POLN: variants seen among roughly 807,000 people sequenced by gnomAD.
POLN encodes the protein DNA polymerase N.
A neutral mutation model predicts 113.5 loss-of-function variants in POLN; 108 were observed. The observed-to-expected ratio is 0.95, with a 90% CI of 0.81 to 1.12. POLN has a LOEUF of 1.12. Among genes scored for constraint, POLN ranks in the 50% most tolerant of loss-of-function variants. The pLI, the probability that POLN is intolerant of heterozygous loss-of-function variation, is 0.00. For missense variants in POLN, 1,097 were observed against 1,077.1 expected, an observed-to-expected ratio of 1.02 and a Z score of -0.26; for synonymous variants, 386 against 391.5, an observed-to-expected ratio of 0.99 and a Z score of 0.17.
At chr4:2,104,676 C>A (rs565810414) in intron 19 of POLN, among the ~76,000 whole-genome samples, 2 of 152,324 alleles carry the variant, frequency 1.3e-5, no homozygotes, top group African/African-American at 4.8e-5. Flanking sequence ...TGTCTCTGCA[C>A]CCAGCAGAGA....
At chr4:2,171,270 G>A (rs962861881) in intron 11 of POLN, 89 bp from the exon 12 acceptor site, 6 of 1,240,352 alleles carry the variant, frequency 4.8e-6, no homozygotes, top group South Asian at 1.3e-5. Context: ...TCTCAACAGC[G>A]AGATGGGCAC....
intron 16 of POLN, among the ~76,000 whole-genome samples, chr4:2,136,262 A>C (rs1486136059): frequency 6.6e-6 from 1 of 152,220 alleles, no homozygotes; most frequent in Non-Finnish European, 1.5e-5. Context: ...ATTTTCTTAC[A>C]ATTTTAATCT....
At chr4:2,128,672 G>GGA (rs1731646531) in intron 18 of POLN, among the ~76,000 whole-genome samples, 1 of 42,512 alleles carries the variant, frequency 2.4e-5, no homozygotes, top group Non-Finnish European at 8.2e-5. Flanking sequence ...AAAGCACGGG[G>GGA]GCAGGGCCAA....
At chr4:2,077,135 A>G (rs1022858156) in intron 23 of POLN, 3 of 152,262 alleles carry the variant, frequency 2.0e-5, no homozygotes, top group Non-Finnish European at 4.4e-5. Flanking sequence ...TCTTCTGACC[A>G]CTATGACTTT....
intron 16 of POLN, among the ~76,000 whole-genome samples, chr4:2,152,022 TTTTC>T (rs1046568042): frequency 4.7e-4 from 71 of 151,874 alleles, no homozygotes; most frequent in African/African-American, 2.7e-4. Flanking sequence ...TAATTTTCTT[TTTTC>T]TTTCTTTCTT....
intron 16 of POLN, among the ~76,000 whole-genome samples, chr4:2,147,458 G>A (rs557157021): frequency 6.6e-6 from 1 of 151,996 alleles, no homozygotes; most frequent in African/African-American, 2.4e-5. Context: ...GGAAAGAGGA[G>A]GATTTAGAAA....
At chr4:2,198,269 T>C (rs1733628425) in intron 6 of POLN, among the ~76,000 whole-genome samples, 1 of 152,192 alleles carries the variant, frequency 6.6e-6, no homozygotes, top group African/African-American at 2.4e-5. Context: ...TCTCCCTAGC[T>C]TCTCACTGTG....
At chr4:2,111,987 A>C (rs1188134778) in intron 19 of POLN, among the ~76,000 whole-genome samples, 1 of 152,228 alleles carries the variant, frequency 6.6e-6, no homozygotes, top group Non-Finnish European at 1.5e-5. Flanking sequence ...TTCAAACTAT[A>C]TTACAAGGCT....
chr4:2,235,476 A>C (rs1485269969), intron 2 of POLN, among the ~76,000 whole-genome samples: 2 of 152,240 alleles, frequency 1.3e-5, no homozygotes, highest in Non-Finnish European at 2.9e-5. Context: ...ACTGTAAATA[A>C]CCTAAATGTC....
intron 3 of POLN, among the ~76,000 whole-genome samples, chr4:2,225,422 G>A (rs1360054370): frequency 6.6e-6 from 1 of 151,974 alleles, no homozygotes; most frequent in Non-Finnish European, 1.5e-5. Context: ...AGGCATGGTG[G>A]TGGGCGCCTG....
chr4:2,111,712 T>C (rs1731198490), intron 19 of POLN, among the ~76,000 whole-genome samples: 1 of 152,266 alleles, frequency 6.6e-6, no homozygotes, highest in Non-Finnish European at 1.5e-5. Flanking sequence ...CAAGGAGAAC[T>C]ACAAACCACT....
chr4:2,159,302 T>C (rs1290898878), intron 13 of POLN, 91 bp from the exon 14 acceptor site: 6 of 1,067,592 alleles, frequency 5.6e-6, no homozygotes, highest in Admixed American at 2.2e-5. Flanking sequence ...TCATAATAAA[T>C]GGTCTAATTG....
At chr4:2,133,584 T>G (rs577202360) in intron 16 of POLN, among the ~76,000 whole-genome samples, 3 of 152,360 alleles carry the variant, frequency 2.0e-5, no homozygotes, top group African/African-American at 7.2e-5. Flanking sequence ...AAATACTGCA[T>G]GTTTAATTCC....
At chr4:2,133,308 C>A (rs755555937) in intron 16 of POLN, among the ~76,000 whole-genome samples, 1 of 152,164 alleles carries the variant, frequency 6.6e-6, no homozygotes, top group Non-Finnish European at 1.5e-5. Flanking sequence ...AGCAATTCCA[C>A]TGCAGGGGAT....
At chr4:2,176,816 G>A (rs1184801589) in intron 8 of POLN, among the ~76,000 whole-genome samples, 1 of 152,098 alleles carries the variant, frequency 6.6e-6, no homozygotes, top group Admixed American at 6.6e-5. Context: ...TGACAAACAA[G>A]GGTCTGTGTT....
At chr4:2,223,942 C>T (rs1734323329) in intron 3 of POLN, among the ~76,000 whole-genome samples, 1 of 152,128 alleles carries the variant, frequency 6.6e-6, no homozygotes, top group Admixed American at 6.5e-5. Context: ...TTAGGACACA[C>T]TAAATTTATT....
chr4:2,115,647 C>T (rs1163322061), intron 19 of POLN, among the ~76,000 whole-genome samples: 1 of 152,012 alleles, frequency 6.6e-6, no homozygotes, highest in African/African-American at 2.4e-5. Flanking sequence ...TTATTATATG[C>T]TAGATATTTT....
chr4:2,218,755 C>A (rs1462444162), intron 3 of POLN, among the ~76,000 whole-genome samples: 1 of 152,166 alleles, frequency 6.6e-6, no homozygotes, highest in African/African-American at 2.4e-5. Flanking sequence ...TCAATAATTG[C>A]ATTTCATATA....
intron 19 of POLN, among the ~76,000 whole-genome samples, chr4:2,112,121 A>G (rs1050401924): frequency 2.0e-5 from 3 of 152,268 alleles, no homozygotes; most frequent in Non-Finnish European, 2.9e-5. Flanking sequence ...ACCTGACAAA[A>G]ACAAGCAATG....
Sources: gnomAD v4.1 joint callset for allele counts (sites outside exome capture counted in the v4.1 genomes callset) on GRCh38, gnomAD v4.1.1 for gene constraint, MANE v1.5 for transcripts, NCBI Gene and HGNC (gene_info 2026-07-23, HGNC 2026-07-21) for gene names.